The following CYP4F12 variants were observed in gnomAD, a reference collection of about 807,000 sequenced individuals.
The protein encoded by CYP4F12 is cytochrome P450 family 4 subfamily F member 12, also known as cytochrome P450 4F12.
A neutral mutation model predicts 56.5 loss-of-function variants in CYP4F12; 60 were observed. The ratio of observed to expected loss-of-function variants is 1.06; its 90% CI spans 0.86 to 1.32. The LOEUF is 1.32. Among genes scored for constraint, CYP4F12 ranks in the 40% most tolerant of loss-of-function variants. CYP4F12 has a pLI of 0.00. For synonymous variants in CYP4F12, 263 were observed against 264.9 expected (o/e 0.99, Z 0.07); for missense variants, 711 against 683.5 (o/e 1.04, Z -0.45).
chr19:15,689,161 C>A (rs1460061126), intron 9 of CYP4F12, among the ~76,000 whole-genome samples: 1 of 150,658 alleles, frequency 6.6e-6, no homozygotes, highest in African/African-American at 2.5e-5. Context: ...ACTTAACAGA[C>A]AACCTACAGA....
At chr19:15,691,431 A>G (rs944282019) in intron 9 of CYP4F12, among the ~76,000 whole-genome samples, 1 of 152,198 alleles carries the variant, frequency 6.6e-6, no homozygotes, top group Admixed American at 6.5e-5. Flanking sequence ...ATCCATCTCT[A>G]TATTAGGTGA....
At chr19:15,684,792 G>GTT in intron 7 of CYP4F12, 24 bp from the exon 8 acceptor site, 1 of 1,252,530 alleles carries the variant, frequency 8.0e-7, no homozygotes, top group Non-Finnish European at 1.2e-6. Flanking sequence ...GTGTGTGTGT[G>GTT]TGTGTGTCTT....
At chr19:15,685,994 C>A (rs1338315508) in intron 9 of CYP4F12, among the ~76,000 whole-genome samples, 7 of 151,428 alleles carry the variant, frequency 4.6e-5, no homozygotes, top group African/African-American at 1.7e-4. Flanking sequence ...TGTTCCCACA[C>A]CTTTCTGTGC....
Position 15,697,008 on chromosome 19 carries a change from A to C in CYP4F12, c.1498A>C (p.Arg500=), listed in dbSNP as rs192076946. 1.9e-6 allele frequency: 3 copies of C among 1,614,268 alleles called. No homozygotes were observed. The highest frequency in any genetic ancestry group is 4.5e-5 in the East Asian group (2 of 44,884). The change falls in exon 13 of 13, where the codon AGG becomes CGG. Residue 500 remains arginine, a synonymous_variant. Transcript: ENST00000550308. ...CCTGCCAGACCACACTGAGCCCCGC[A>C]GGAAGCTGGAATTGATCATGCGCGC... ...RFLPDHTEPR[R]KLELIMRAEG...
chr19:15,673,836 C>T (rs867964329), intron 2 of CYP4F12, 109 bp downstream of exon 2: 2 of 1,269,516 alleles, frequency 1.6e-6, no homozygotes, highest in African/African-American at 1.5e-5. Context: ...GGTCTGCGAC[C>T]CCAGAGAAGC....
In CYP4F12 at chr19:15,678,491, G is replaced by A. The variant is rs1237465096; in HGVS notation, c.343+86G>A. ...TACCCACGTCCCTCCTTGAGTACTCGTGCCCCTCATTGAGACTTCCTTCTC... is the reference window on the plus strand; with the variant it reads ...TACCCACGTCCCTCCTTGAGTACTCATGCCCCTCATTGAGACTTCCTTCTC... On this transcript the variant is annotated intron_variant, in intron 3 of 12. Coordinates refer to ENST00000550308, the MANE Select transcript of CYP4F12 (RefSeq NM_023944.4). The A allele has an allele frequency of 7.7e-5, 118 of 1,523,240 alleles. No homozygotes were observed. The Middle Eastern group carries it at 9.7e-4, about 12-fold the overall frequency. 94.4% of individuals were successfully genotyped at this position (1,523,240 alleles called of 1,614,324 possible).
At chr19:15,678,215 T>C (rs1326937548) in intron 2 of CYP4F12, 46 bp from the exon 3 acceptor site, 3 of 1,612,394 alleles carry the variant, frequency 1.9e-6, no homozygotes, top group East Asian at 4.5e-5. Context: ...AGTGGACACC[T>C]AAAATTAACC....
intron 9 of CYP4F12, among the ~76,000 whole-genome samples, chr19:15,690,986 T>C (rs564102164): frequency 2.0e-5 from 3 of 152,362 alleles, no homozygotes; most frequent in South Asian, 4.1e-4. Flanking sequence ...AACATGTTTT[T>C]TTCCACTCAA....
At chr19:15,680,665 G>T in intron 5 of CYP4F12, 146 bp downstream of exon 5, 1 of 1,060,054 alleles carries the variant, frequency 9.4e-7, no homozygotes, top group Non-Finnish European at 1.4e-6. Context: ...TGTAAAATGG[G>T]GATGATAATC....
At chr19:15,677,815 C>CACTCACT (rs1568414826) in intron 2 of CYP4F12, among the ~76,000 whole-genome samples, 1 of 27,344 alleles carries the variant, frequency 3.7e-5, no homozygotes, top group Non-Finnish European at 8.0e-5. Context: ...TTCTTCTGCT[C>CACTCACT]GCTCACTCAC....
At chr19:15,686,074 C>A (rs1033289826) in intron 9 of CYP4F12, among the ~76,000 whole-genome samples, 1 of 152,182 alleles carries the variant, frequency 6.6e-6, no homozygotes, top group South Asian at 2.1e-4. Context: ...TAGGAACAGT[C>A]CCCCACAAGA....
chr19:15,677,123 A>ATTCCTTTCTTCACTCACTCG (rs2006988727), intron 2 of CYP4F12, among the ~76,000 whole-genome samples: 1 of 95,352 alleles, frequency 1.0e-5, no homozygotes, highest in Non-Finnish European at 2.2e-5. Flanking sequence ...TCACTCACTC[A>ATTCCTTTCTTCACTCACTCG]TTCATATCCT....
chr19:15,675,179 T>C (rs1165743583), intron 2 of CYP4F12, among the ~76,000 whole-genome samples: 1 of 141,746 alleles, frequency 7.1e-6, no homozygotes, highest in African/African-American at 2.6e-5. Context: ...CCCTTCCCCT[T>C]TCAGAAGCCG....
At chr19:15,691,608 A>T (rs1020995236) in intron 9 of CYP4F12, among the ~76,000 whole-genome samples, 1 of 152,092 alleles carries the variant, frequency 6.6e-6, no homozygotes, top group African/African-American at 2.4e-5. Flanking sequence ...TTTTCTTTCT[A>T]TGGGAGTGGT....
chr19:15,693,797 T>C (rs2007991437), intron 9 of CYP4F12, among the ~76,000 whole-genome samples: 1 of 148,564 alleles, frequency 6.7e-6, no homozygotes, highest in Non-Finnish European at 1.5e-5. Flanking sequence ...GCCTCGGTTT[T>C]CTTCTAGGGT....
intron 6 of CYP4F12, among the ~76,000 whole-genome samples, chr19:15,682,935 C>T (rs947666398): frequency 1.3e-5 from 2 of 152,162 alleles, no homozygotes; most frequent in Non-Finnish European, 2.9e-5. Flanking sequence ...AGGGGGTTCA[C>T]CATGTTGTCC....
Position 15,695,927 on chromosome 19 carries a change from T to C in CYP4F12, c.1116-9T>C. ...CTTGATAATGACTGGGGCTGGGGTG[T>C]TTCCTTAGGGACGACCTGGCCCAGC... On this transcript the variant is annotated splice_polypyrimidine_tract_variant and intron_variant, in intron 9 of 12. Transcript: ENST00000550308. The C allele has an allele frequency of 1.2e-6, 2 of 1,610,084 alleles. No individual in the cohort carries two copies. Among genetic ancestry groups the C allele is most frequent in the South Asian group, 1.1e-5 (1 of 90,494 alleles).
intron 3 of CYP4F12, among the ~76,000 whole-genome samples, chr19:15,679,883 A>G (rs1016357676): frequency 2.0e-5 from 3 of 152,226 alleles, no homozygotes; most frequent in African/African-American, 7.2e-5. Context: ...AGACTATCTC[A>G]GGTCCATGTC....
chr19:15,695,871 T>C lies in CYP4F12; in HGVS notation c.1116-65T>C, dbSNP rs894982443. The C allele has an allele frequency of 1.3e-5, 20 of 1,538,162 alleles. No individual in the cohort carries two copies. The East Asian group carries it at 2.2e-4, about 17-fold the overall frequency. On this transcript the variant is annotated intron_variant, in intron 9 of 12. Transcript: ENST00000550308. ...AGGGAGAAAAGGTCTCATTTGCAAA[T>C]AGAAAAGGTGGAGAGTTGTGTATTT...
Sources: gnomAD v4.1 joint callset for allele counts (sites outside exome capture counted in the v4.1 genomes callset) on GRCh38, gnomAD v4.1.1 for gene constraint, MANE v1.5 for transcripts, NCBI Gene and HGNC (gene_info 2026-07-23, HGNC 2026-07-21) for gene names.